DST: variants seen among roughly 807,000 people sequenced by gnomAD.
DST encodes dystonin.
Under a neutral mutation model 875.2 loss-of-function variants are expected in DST, and 253 were observed. The ratio of observed to expected loss-of-function variants is 0.29; its 90% CI spans 0.26 to 0.32. The LOEUF (loss-of-function observed/expected upper bound fraction) is 0.32, where lower values mean the gene tolerates loss of function less well. DST is among the 10% of genes least tolerant of loss of function. The pLI is 1.00. For synonymous variants in DST, 3,124 were observed against 3,197.1 expected (o/e 0.98, Z 0.77); for missense variants, 8,287 against 9,111.6 (o/e 0.91, Z 3.68).
intron 71 of DST, 28 bp from the exon 72 acceptor site, chr6:56,515,696 A>C: frequency 1.9e-6 from 3 of 1,545,650 alleles, no homozygotes; most frequent in Non-Finnish European, 1.8e-6. Flanking sequence ...GAAATGTTTA[A>C]CTGGTCAGGC....
intron 15 of DST, among the ~76,000 whole-genome samples, chr6:56,643,829 A>G (rs1423903690): frequency 6.6e-6 from 1 of 152,236 alleles, no homozygotes; most frequent in Non-Finnish European, 1.5e-5. Flanking sequence ...CATCAAATAT[A>G]GTGAGTGAAC....
At chr6:56,699,897 T>G (rs2099287025) in intron 8 of DST, among the ~76,000 whole-genome samples, 152 bp from the exon 9 acceptor site, 1 of 152,224 alleles carries the variant, frequency 6.6e-6, no homozygotes, top group Non-Finnish European at 1.5e-5. Flanking sequence ...TTACCCTTAT[T>G]CTCAATCATT....
rs1241442586 is a variant in DST at position 56,487,289 on chromosome 6, G to A, written c.20878-16C>T. 2.6e-6 allele frequency: 4 copies of A among 1,519,222 alleles called. No homozygotes were observed. Among genetic ancestry groups the A allele is most frequent in the African/African-American group, 2.8e-5 (2 of 71,770 alleles). The allele number at this position is 1,519,222 out of a possible 1,614,324, so 94.1% of individuals were successfully genotyped here. On this transcript the variant is annotated splice_polypyrimidine_tract_variant and intron_variant, in intron 86 of 103. Transcript: ENST00000680361. ...TCTGAAACTCCTAAATATTTAACAA[G>A]AAAAAAATGCGAATTTCTTCTTGGG... is the stretch of plus-strand genomic sequence containing the variant.
intron 2 of DST, among the ~76,000 whole-genome samples, chr6:56,936,204 T>C (rs1188050744): frequency 6.6e-6 from 1 of 152,142 alleles, no homozygotes; most frequent in East Asian, 1.9e-4. Flanking sequence ...GACAGACTAG[T>C]TAAAGTCAGT....
chr6:56,625,100 AAAGT>A, intron 35 of DST, 53 bp downstream of exon 35: 1 of 1,223,870 alleles, frequency 8.2e-7, no homozygotes, highest in Non-Finnish European at 1.2e-6. Context: ...TAAAATTTAA[AAAGT>A]AAGTGTTCTT....
chr6:56,568,536 C>T lies in DST; in HGVS notation c.13938G>A (p.Gly4646=), dbSNP rs2097721295. ...CACTTATTAAGTTACATAGTGAGAT[C>T]CCACTGTTGTTTACTTTCTGAATCT... The part of the protein sequence containing the change: ...TPEIQKVNNS[G]ISLCNLISAV... The change falls in exon 55 of 104, where the codon GGG becomes GGA. Residue 4646 remains glycine (G), a synonymous_variant. Transcript: ENST00000680361. 1 of 1,612,632 alleles carries T rather than the reference C, an allele frequency of 6.2e-7. No individual in the cohort carries two copies. The highest frequency in any genetic ancestry group is 8.5e-7 in the Non-Finnish European group (1 of 1,179,224).
chr6:56,679,152 T>C (rs1355989098), intron 9 of DST, among the ~76,000 whole-genome samples: 1 of 152,216 alleles, frequency 6.6e-6, no homozygotes, highest in Non-Finnish European at 1.5e-5. Flanking sequence ...CTTTACATCC[T>C]TCTCTGTTTG....
chr6:56,793,331 T>A lies in DST; in HGVS notation c.626-58042A>T, dbSNP rs139020555. Among the ~76,000 whole-genome samples, 516 of 152,186 alleles carry A rather than the reference T, an allele frequency of 3.4e-3. 4 individuals carry two copies. Among genetic ancestry groups the A allele is most frequent in the African/African-American group, 0.012 (501 of 41,530 alleles). On this transcript the variant is annotated intron_variant, in intron 4 of 103. Transcript: ENST00000680361. ...ATACTTAATTATTTAGAGACAAAAA[T>A]GTCATGATGTCTAAACTTAAATTTT...
chr6:56,658,058 G>A lies in DST; in HGVS notation c.1215-6814C>T, dbSNP rs59330375. On this transcript the variant is annotated intron_variant, in intron 10 of 103. Transcript: ENST00000680361. ...TGGTATTATAGGCATGAGACACTGC[G>A]CCTGGCCGTAATTCTTTTTTTTTGA... is the stretch of plus-strand genomic sequence containing the variant. 3.4e-3 allele frequency among the ~76,000 whole-genome samples: 508 copies of A among 150,694 alleles called. 3 individuals are homozygous for A. Among genetic ancestry groups the A allele is most frequent in the African/African-American group, 0.012 (491 of 40,936 alleles).
chr6:56,482,929 C>G, intron 88 of DST, 52 bp from the exon 89 acceptor site: 1 of 1,345,212 alleles, frequency 7.4e-7, no homozygotes, highest in Non-Finnish European at 1.0e-6. Context: ...ACCAAAACAG[C>G]AACACATACT....
Position 56,670,695 on chromosome 6 carries a change from A to C in DST, c.1160T>G (p.Phe387Cys). 1.2e-6 allele frequency: 2 copies of C among 1,608,572 alleles called. No individual in the cohort carries two copies. Among genetic ancestry groups the C allele is most frequent in the Non-Finnish European group, 1.7e-6 (2 of 1,177,382 alleles). ...EGYAGIRCEN[F>C]TTCWRDGKLF... Reference sequence around the variant, plus strand: ...TTTTCCATCTCTCCAGCAGGTAGTGAAATTTTCACACCGAATTCCAGCATA... The same window carrying C: ...TTTTCCATCTCTCCAGCAGGTAGTGCAATTTTCACACCGAATTCCAGCATA... Residue 387 changes from phenylalanine to cysteine, a missense_variant, in exon 10 of 104, where the codon TTC becomes TGC. Phe to Cys is a radical substitution (Grantham distance 205). Around this residue, in one of 10 missense-constraint regions of DST, gnomAD observed 1,160 missense variants for 1,424.3 expected, o/e 0.81. Coordinates refer to ENST00000680361, the MANE Select transcript of DST (RefSeq NM_001374736.1).
chr6:56,918,589 T>C (rs1287072934), intron 2 of DST, among the ~76,000 whole-genome samples: 1 of 152,200 alleles, frequency 6.6e-6, no homozygotes, highest in Non-Finnish European at 1.5e-5. Flanking sequence ...TTCCAGTCCG[T>C]AGGAAAAAGT....
At chr6:56,733,798 T>A (rs1042580508) in intron 5 of DST, among the ~76,000 whole-genome samples, 2 of 151,488 alleles carry the variant, frequency 1.3e-5, no homozygotes, top group Non-Finnish European at 2.9e-5. Context: ...GTCTGGAGAC[T>A]AACCTCTCAA....
chr6:56,726,151 T>C (rs1364178116), intron 5 of DST, among the ~76,000 whole-genome samples: 1 of 152,168 alleles, frequency 6.6e-6, no homozygotes, highest in Non-Finnish European at 1.5e-5. Flanking sequence ...ATTTCTTCTA[T>C]ATTATATTAG....
At chr6:56,902,669 G>A (rs985172548) in intron 2 of DST, among the ~76,000 whole-genome samples, 8 of 152,106 alleles carry the variant, frequency 5.3e-5, no homozygotes, top group Admixed American at 6.5e-5. Flanking sequence ...TTCCCATCCC[G>A]CCCCTGCGTG....
At chr6:56,936,970 T>G (rs1413045131) in intron 2 of DST, among the ~76,000 whole-genome samples, 1 of 151,986 alleles carries the variant, frequency 6.6e-6, no homozygotes, top group Non-Finnish European at 1.5e-5. Context: ...GGTTCACTGG[T>G]GAAATATTCC....
At chr6:56,858,304 G>A (rs772403781) in intron 3 of DST, among the ~76,000 whole-genome samples, 1 of 152,272 alleles carries the variant, frequency 6.6e-6, no homozygotes, top group Non-Finnish European at 1.5e-5. Flanking sequence ...TTTCTAGGTA[G>A]AGAAGCCCAG....
chr6:56,831,553 C>T (rs1026727131), intron 4 of DST, among the ~76,000 whole-genome samples: 1 of 152,088 alleles, frequency 6.6e-6, no homozygotes, highest in African/African-American at 2.4e-5. Flanking sequence ...GCTCGTATCA[C>T]TCCTCTTGTG....
At position 56,735,238 on chromosome 6, in the gene DST, T is replaced by C. The variant is rs1331076168; in HGVS notation, c.677A>G (p.His226Arg). The C allele has an allele frequency of 6.5e-6, 10 of 1,550,184 alleles. No individual in the cohort carries two copies. The highest frequency in any genetic ancestry group is 8.7e-6 in the Non-Finnish European group (10 of 1,144,510). Residue 226 changes from histidine (H) to arginine (R), a missense_variant, in exon 5 of 104, where the codon CAT becomes CGT. Transcript: ENST00000680361. ...KKTFTKWINQ[H>R]LMKVRKHVND... is the part of the protein sequence containing the mutation. ...GAAATAAAAACTGACCTTCATGAGA[T>C]GCTGATTTATCCATTTTGTAAATGT...
Sources: allele counts gnomAD v4.1 joint callset (sites outside exome capture counted in the v4.1 genomes callset), GRCh38; gene constraint gnomAD v4.1.1; regional missense constraint gnomAD v4.1.1; transcripts MANE v1.5; gene names NCBI Gene and HGNC (gene_info 2026-07-23, HGNC 2026-07-21).